PARVB: variants seen among roughly 807,000 people sequenced by gnomAD.
The protein encoded by PARVB is beta-parvin.
Under a neutral mutation model 47.0 loss-of-function variants are expected in PARVB, and 46 were observed. The observed-to-expected ratio is 0.98, with a 90% CI of 0.77 to 1.25. PARVB has a LOEUF of 1.25. Ranked by LOEUF, PARVB falls within the 50% of genes most tolerant of loss-of-function variation. The pLI, the probability that PARVB is intolerant of heterozygous loss-of-function variation, is 0.00. For synonymous variants in PARVB, 196 were observed against 196.3 expected (o/e 1.00, Z 0.01); for missense variants, 473 against 471.6 (o/e 1.00, Z -0.03).
At chr22:44,030,592 G>A (rs946096441) in intron 1 of PARVB, among the ~76,000 whole-genome samples, 1 of 152,106 alleles carries the variant, frequency 6.6e-6, no homozygotes, top group Non-Finnish European at 1.5e-5. Context: ...GGGGAACGGC[G>A]GGGAGGCAGG....
At chr22:44,164,130 AGTGCCGGTT>A (rs1347820169) in intron 12 of PARVB, among the ~76,000 whole-genome samples, 200 bp downstream of exon 12, 1 of 152,212 alleles carries the variant, frequency 6.6e-6, no homozygotes, top group Non-Finnish European at 1.5e-5. Context: ...TGGAGCTGGC[AGTGCCGGTT>A]CTTTAATAAC....
intron 11 of PARVB, among the ~76,000 whole-genome samples, chr22:44,159,241 A>G (rs2054001303): frequency 1.3e-5 from 2 of 152,192 alleles, no homozygotes; most frequent in Non-Finnish European, 2.9e-5. Context: ...TTGCAGACAC[A>G]TTGTTTTGGA....
chr22:44,014,823 A>G (rs752460441), intron 2 of PARVB, among the ~76,000 whole-genome samples: 1 of 151,608 alleles, frequency 6.6e-6, no homozygotes, highest in Non-Finnish European at 1.5e-5. Context: ...AGCACATACA[A>G]GACAAAAAAA....
intron 10 of PARVB, among the ~76,000 whole-genome samples, chr22:44,156,327 C>T (rs1182027888): frequency 6.7e-5 from 10 of 150,142 alleles, no homozygotes; most frequent in South Asian, 4.2e-4. Flanking sequence ...TTACCCAGGC[C>T]GGAGTACAGT....
At chr22:44,011,258 CT>C (rs1422046118) in intron 2 of PARVB, among the ~76,000 whole-genome samples, 2 of 152,076 alleles carry the variant, frequency 1.3e-5, no homozygotes, top group African/African-American at 4.8e-5. Flanking sequence ...AAGGTGGGAG[CT>C]GCACGCACCT....
rs554636111 is a variant in PARVB at position 44,165,153 on chromosome 22, G to A, written c.1018+1223G>A. ...GACTAAGGCGCATACCACCATGCCC[G>A]GCTAATGTTTTAACTTTTCTTTTTT... On this transcript the variant is annotated intron_variant, in intron 12 of 12. Transcript: ENST00000338758. 9.9e-5 allele frequency among the ~76,000 whole-genome samples: 15 copies of A among 152,244 alleles called. 1 individual carries two copies. Among genetic ancestry groups the A allele is most frequent in the Middle Eastern group, 3.4e-3 (1 of 294 alleles).
chr22:44,168,754 G>A lies in PARVB; in HGVS notation c.*76G>A, dbSNP rs112947583. ...CCGTCTGTGCCCTGTGCCTTTCCAG[G>A]GAGCCAGGCGCCATGGGCTTCTGGT... On this transcript the variant is annotated 3_prime_UTR_variant, in exon 13 of 13. Coordinates refer to ENST00000338758, the MANE Select transcript of PARVB (RefSeq NM_013327.5). 724 of 1,029,908 alleles carry A rather than the reference G, an allele frequency of 7.0e-4. 3 individuals carry two copies. The African/African-American group carries it at 9.3e-3, about 13-fold the overall frequency. The allele number at this position is 1,029,908 out of a possible 1,614,324, so 63.8% of individuals were successfully genotyped here.
At chr22:44,100,790 C>T (rs1026043028) in intron 3 of PARVB, among the ~76,000 whole-genome samples, 15 of 152,254 alleles carry the variant, frequency 9.9e-5, no homozygotes, top group Admixed American at 3.9e-4. Context: ...ATCGAAACCA[C>T]GGTAGGGCTT....
chr22:44,168,960 G>A lies in PARVB; in HGVS notation c.*282G>A, dbSNP rs964120576. ...TTGAAGCCTCGCGTCACTCAGTCGC[G>A]TGGGATGATGAGTCCGTTGTTGTCT... On this transcript the variant is annotated 3_prime_UTR_variant, in exon 13 of 13. Coordinates refer to ENST00000338758, the MANE Select transcript of PARVB (RefSeq NM_013327.5). 21 of 362,630 alleles carry A rather than the reference G, an allele frequency of 5.8e-5. No homozygotes were observed. The highest frequency in any genetic ancestry group is 2.4e-4 in the South Asian group (7 of 28,848). 22.5% of individuals were successfully genotyped at this position (362,630 alleles called of 1,614,324 possible).
At chr22:44,164,449 C>T (rs531783919) in intron 12 of PARVB, among the ~76,000 whole-genome samples, 15 of 145,536 alleles carry the variant, frequency 1.0e-4, no homozygotes, top group South Asian at 7.2e-4. Context: ...TATAGGAGGA[C>T]TCTCTAACCT....
intron 12 of PARVB, among the ~76,000 whole-genome samples, chr22:44,164,132 T>C (rs2054113493): frequency 6.6e-6 from 1 of 152,214 alleles, no homozygotes; most frequent in African/African-American, 2.4e-5. Flanking sequence ...GAGCTGGCAG[T>C]GCCGGTTCTT....
chr22:44,015,602 T>C (rs2050568078), intron 2 of PARVB, among the ~76,000 whole-genome samples: 1 of 152,210 alleles, frequency 6.6e-6, no homozygotes, highest in Non-Finnish European at 1.5e-5. Flanking sequence ...GCAGATCACC[T>C]GAGGTCAGGA....
At chr22:44,156,512 T>G (rs1409088284) in intron 10 of PARVB, among the ~76,000 whole-genome samples, 1 of 152,210 alleles carries the variant, frequency 6.6e-6, no homozygotes, top group East Asian at 1.9e-4. Context: ...CTCCTGACCT[T>G]GTGATCCACC....
At chr22:44,047,658 C>G (rs2051137061) in intron 1 of PARVB, among the ~76,000 whole-genome samples, 1 of 151,902 alleles carries the variant, frequency 6.6e-6, no homozygotes, top group Non-Finnish European at 1.5e-5. Flanking sequence ...CAGACTCCAT[C>G]TAAAAAAAAT....
At chr22:44,114,430 G>T (rs2052807205) in intron 3 of PARVB, 1 of 114,708 alleles carries the variant, frequency 8.7e-6, no homozygotes, top group Non-Finnish European at 1.8e-5. Context: ...CAGATACATT[G>T]TTACTAAGTA....
rs1390203848 is a variant in PARVB, at chr22:44,103,077, G to C, written c.273+2954G>C. 6 of 152,306 alleles carry C rather than the reference G, an allele frequency of 3.9e-5. No homozygotes were observed. Among genetic ancestry groups the C allele is most frequent in the Non-Finnish European group, 4.4e-5 (3 of 68,102 alleles). 9.4% of individuals were successfully genotyped at this position (152,306 alleles called of 1,614,324 possible). A position where few individuals can be genotyped will look rare whatever the true frequency, so the allele number is the denominator to read the frequency against. On this transcript the variant is annotated intron_variant, in intron 3 of 12. Transcript: ENST00000338758. This position sits in a 1 kb window ranked among gnomAD's most constrained non-coding sequence, Gnocchi z 4.6. ...GATGTCTGCAGTGCCACCCACCCCT[G>C]CCTTTGCTGCTTTGCTGCCAAAGAC...
At chr22:44,065,296 A>G (rs1406825000) in intron 1 of PARVB, among the ~76,000 whole-genome samples, 1 of 152,040 alleles carries the variant, frequency 6.6e-6, no homozygotes, top group African/African-American at 2.4e-5. Context: ...CAGGAAGATT[A>G]TATTTTATTA....
At position 44,068,531 on chromosome 22, in the gene PARVB, GCTT is replaced by G. The variant is rs1480684991; in HGVS notation, c.113-25390_113-25388del. Among the ~76,000 whole-genome samples, 3 of 152,210 alleles carry G rather than the reference GCTT, an allele frequency of 2.0e-5. No individual in the cohort carries two copies. The highest frequency in any genetic ancestry group is 4.8e-5 in the African/African-American group (2 of 41,456). On this transcript the variant is annotated intron_variant, in intron 1 of 12. Coordinates refer to ENST00000338758, the MANE Select transcript of PARVB (RefSeq NM_013327.5). This position sits in a 1 kb window ranked among gnomAD's most constrained non-coding sequence, Gnocchi z 4.1. ...CCGCCTCCGTGTCGGGGCAGCCTCA[GCTT>G]CTTCTTTCTGTGTCCGATATTTGAT...
At chr22:44,093,135 A>C (rs1043887924) in intron 1 of PARVB, among the ~76,000 whole-genome samples, 1 of 152,168 alleles carries the variant, frequency 6.6e-6, no homozygotes, top group Non-Finnish European at 1.5e-5. Flanking sequence ...GACTGTGGAG[A>C]AAGCGTGACA....
Sources: allele counts gnomAD v4.1 joint callset (sites outside exome capture counted in the v4.1 genomes callset), GRCh38; gene constraint gnomAD v4.1.1; non-coding constraint Gnocchi (gnomAD v3.1); transcripts MANE v1.5; gene names NCBI Gene and HGNC (gene_info 2026-07-23, HGNC 2026-07-21).